CEP192: variants seen among roughly 807,000 people sequenced by gnomAD.
The protein encoded by CEP192 is centrosomal protein 192.
Under a neutral mutation model 271.8 loss-of-function variants are expected in CEP192, and 151 were observed. That is an observed-to-expected ratio of 0.56 (90% CI 0.49 to 0.64). The LOEUF is 0.64. Among genes scored for constraint, CEP192 ranks in the 30% least tolerant of loss-of-function variants. The pLI is 0.00. For missense variants in CEP192, 2,910 were observed against 3,020.5 expected (o/e 0.96, Z 0.86); for synonymous variants, 995 against 1,076.5 (o/e 0.92, Z 1.48).
At chr18:13,010,222 T>C (rs2034257375) in intron 4 of CEP192, among the ~76,000 whole-genome samples, 1 of 152,158 alleles carries the variant, frequency 6.6e-6, no homozygotes, top group Admixed American at 6.5e-5. Context: ...TCCTCTTAAG[T>C]ACTCCACATT....
chr18:13,026,198 G>T (rs2035291439), intron 9 of CEP192, among the ~76,000 whole-genome samples: 1 of 151,942 alleles, frequency 6.6e-6, no homozygotes, highest in Non-Finnish European at 1.5e-5. Flanking sequence ...TTCTTGCTTG[G>T]CATGGTTTCT....
chr18:13,093,658 GTGCTACAT>G, intron 34 of CEP192, among the ~76,000 whole-genome samples: 1 of 152,326 alleles, frequency 6.6e-6, no homozygotes, highest in East Asian at 1.9e-4. Context: ...AATTGTTCAT[GTGCTACAT>G]GGCTTACCCG....
At chr18:13,050,117 T>A (rs373131917) in intron 17 of CEP192, among the ~76,000 whole-genome samples, 26 of 152,174 alleles carry the variant, frequency 1.7e-4, no homozygotes, top group Non-Finnish European at 3.8e-4. Context: ...AAACTAGTAA[T>A]GTTACAGACT....
chr18:13,113,937 T>G (rs949273797), intron 41 of CEP192, among the ~76,000 whole-genome samples, 193 bp from the exon 42 acceptor site: 2 of 152,160 alleles, frequency 1.3e-5, no homozygotes, highest in African/African-American at 2.4e-5. Flanking sequence ...GTGTGCATCA[T>G]GTATGCACAT....
rs904708452 is a variant in CEP192, at chr18:12,999,315, A to G, written c.-4-106A>G. 2.5e-5 allele frequency: 22 copies of G among 879,054 alleles called. No individual in the cohort carries two copies. The East Asian group carries it at 5.3e-4, about 21-fold the overall frequency. 54.5% of individuals were successfully genotyped at this position (879,054 alleles called of 1,614,324 possible). ...TTTCCCCCTTACTAATGCTAAAAAA[A>G]GGATTTTTTTCCTAAGATTTATTAG... On this transcript the variant is annotated intron_variant, in intron 1 of 44. Transcript: ENST00000506447.
At chr18:13,111,903 A>G (rs955994424) in intron 40 of CEP192, among the ~76,000 whole-genome samples, 1 of 152,232 alleles carries the variant, frequency 6.6e-6, no homozygotes, top group African/African-American at 2.4e-5. Context: ...GCAAAATGCA[A>G]TCAAAACGAG....
rs1372806256 is a variant in CEP192, at chr18:13,100,392, C to A, written c.6751C>A (p.Pro2251Thr). Residue 2251 changes from proline (P) to threonine (T), a missense_variant, in exon 38 of 45, where the codon CCA becomes ACA. Transcript: ENST00000506447. ...CTCCAAACCATTTGGAATTCTTTCC[C>A]CAGTATCTGAGCCTTCAGTTAGTCA... ...LTSKPFGILSPVSEPSVSHLV... is the reference protein window; with the variant it reads ...LTSKPFGILSTVSEPSVSHLV... The A allele has an allele frequency of 1.2e-6, 2 of 1,613,964 alleles. No individual in the cohort carries two copies. Among genetic ancestry groups the A allele is most frequent in the East Asian group, 4.5e-5 (2 of 44,872 alleles).
At chr18:13,064,230 C>G (rs1263560423) in intron 21 of CEP192, among the ~76,000 whole-genome samples, 1 of 152,138 alleles carries the variant, frequency 6.6e-6, no homozygotes, top group Admixed American at 6.5e-5. Context: ...TTTCACTCTT[C>G]TGCATATGGA....
intron 40 of CEP192, 53 bp from the exon 41 acceptor site, chr18:13,113,533 A>G: frequency 6.4e-7 from 1 of 1,573,064 alleles, no homozygotes; most frequent in Non-Finnish European, 8.7e-7. Flanking sequence ...GATCTAGCTA[A>G]CACTGTGTTT....
intron 11 of CEP192, among the ~76,000 whole-genome samples, chr18:13,034,098 T>C (rs1270012231): frequency 4.6e-5 from 7 of 152,214 alleles, no homozygotes; most frequent in Non-Finnish European, 7.3e-5. Flanking sequence ...TAAATACACC[T>C]TTTAAATTTG....
In CEP192 at chr18:13,049,416, A is replaced by C; in HGVS notation, c.2625A>C (p.Ala875=). ...NSVTNRENNS[A]VVDVKTCSID... ...TTACAAATAGAGAGAATAACAGTGC[A>C]GTAGTTGATGTGAAGACATGTTCCA... The change falls in exon 16 of 45, where the codon GCA becomes GCC. Residue 875 remains alanine (A), a synonymous_variant. Coordinates refer to ENST00000506447, the MANE Select transcript of CEP192 (RefSeq NM_032142.4). 2 of 1,614,164 alleles carry C rather than the reference A, an allele frequency of 1.2e-6. No homozygotes were observed. The highest frequency in any genetic ancestry group is 1.7e-6 in the Non-Finnish European group (2 of 1,180,000).
chr18:13,018,853 T>A (rs2034817363), intron 8 of CEP192, among the ~76,000 whole-genome samples: 1 of 152,302 alleles, frequency 6.6e-6, no homozygotes, highest in East Asian at 1.9e-4. Context: ...TTGTATTCTA[T>A]CCAGACATTG....
At chr18:13,105,288 T>G (rs913404323) in intron 40 of CEP192, among the ~76,000 whole-genome samples, 1 of 152,164 alleles carries the variant, frequency 6.6e-6, no homozygotes, top group South Asian at 2.1e-4. Context: ...ACAGCACACT[T>G]AGCAGTAAAG....
At chr18:13,008,138 G>C (rs1035290812) in intron 3 of CEP192, among the ~76,000 whole-genome samples, 1 of 152,210 alleles carries the variant, frequency 6.6e-6, no homozygotes, top group Non-Finnish European at 1.5e-5. Flanking sequence ...ATTTTAGAAA[G>C]CTGAATTATG....
At position 13,100,422 on chromosome 18, in the gene CEP192, G is replaced by T. The variant is rs759431377; in HGVS notation, c.6781G>T (p.Val2261Phe). The T allele has an allele frequency of 5.9e-5, 95 of 1,613,872 alleles. No individual in the cohort carries two copies. Among genetic ancestry groups the T allele is most frequent in the Non-Finnish European group, 8.0e-5 (94 of 1,179,832 alleles). Residue 2261 changes from valine (V) to phenylalanine (F), a missense_variant, in exon 38 of 45, where the codon GTC (valine) becomes TTC (phenylalanine). Transcript: ENST00000506447. ...PVSEPSVSHL[V>F]KPMTKPPSTK... ...ATCTGAGCCTTCAGTTAGTCATTTG[G>T]TCAAACCAATGACAAAACCGCCTTC...
At chr18:13,076,371 C>G (rs1381955647) in intron 30 of CEP192, among the ~76,000 whole-genome samples, 1 of 151,704 alleles carries the variant, frequency 6.6e-6, no homozygotes. Flanking sequence ...ACTACAGGCG[C>G]GTGCCACCAC....
intron 3 of CEP192, among the ~76,000 whole-genome samples, chr18:13,002,382 G>T (rs543460812): frequency 5.8e-4 from 88 of 152,010 alleles, no homozygotes; most frequent in Non-Finnish European, 1.1e-3. Flanking sequence ...ATATGAATCT[G>T]TGTCATAATG....
intron 37 of CEP192, among the ~76,000 whole-genome samples, chr18:13,099,984 GTATTCT>G (rs1346938404): frequency 6.6e-6 from 1 of 152,188 alleles, no homozygotes; most frequent in Admixed American, 6.5e-5. Flanking sequence ...ATGATTATCT[GTATTCT>G]GAGGCCAACT....
In CEP192 at chr18:13,068,393, A is replaced by G; in HGVS notation, c.4793A>G (p.His1598Arg). 6 of 1,612,612 alleles carry G rather than the reference A, an allele frequency of 3.7e-6. No homozygotes were observed. Among genetic ancestry groups the G allele is most frequent in the South Asian group, 1.1e-5 (1 of 90,688 alleles). ...TTTCTGATGATTTGGGTTCTTTTCCATAGTCCAAAGAAACAGATCAGCTCT... is the reference window on the plus strand; with the variant it reads ...TTTCTGATGATTTGGGTTCTTTTCCGTAGTCCAAAGAAACAGATCAGCTCT... Reference protein sequence around the residue: ...PEFLMIWVLFHSPKKQISSSD... With the variant: ...PEFLMIWVLFRSPKKQISSSD... Residue 1598 changes from histidine (H) to arginine (R), a missense_variant, in exon 24 of 45, where the codon CAT becomes CGT. By Grantham distance (29) the His-to-Arg change is conservative (BLOSUM62 0). Coordinates refer to ENST00000506447, the MANE Select transcript of CEP192 (RefSeq NM_032142.4).
Sources: allele counts gnomAD v4.1 joint callset (sites outside exome capture counted in the v4.1 genomes callset), GRCh38; gene constraint gnomAD v4.1.1; transcripts MANE v1.5; gene names NCBI Gene and HGNC (gene_info 2026-07-23, HGNC 2026-07-21).